The following P4HA1 variants were observed in gnomAD, a reference collection of about 807,000 sequenced individuals.
The protein encoded by P4HA1 is prolyl 4-hydroxylase subunit alpha 1, also known as prolyl 4-hydroxylase subunit alpha-1.
A neutral mutation model predicts 72.8 loss-of-function variants in P4HA1; 24 were observed. The ratio of observed to expected loss-of-function variants is 0.33; its 90% CI spans 0.24 to 0.46. P4HA1 has a LOEUF of 0.46. P4HA1 is among the 20% of genes least tolerant of loss of function. The probability of loss-of-function intolerance (pLI) is 1.00; values close to 1 mark genes in which losing one functional copy is unlikely to be tolerated. For missense variants in P4HA1, 446 were observed against 640.6 expected, an observed-to-expected ratio of 0.70 and a Z score of 3.28; for synonymous variants, 201 against 218.8, an observed-to-expected ratio of 0.92 and a Z score of 0.72.
At chr10:73,021,685 G>A (rs1177575979) in intron 10 of P4HA1, among the ~76,000 whole-genome samples, 3 of 152,214 alleles carry the variant, frequency 2.0e-5, no homozygotes, top group Admixed American at 6.5e-5. Context: ...GCAGGGCGGG[G>A]CATCGCCTCA....
intron 9 of P4HA1, 83 bp downstream of exon 9, chr10:73,044,898 C>A (rs2133086629): frequency 9.0e-7 from 1 of 1,116,314 alleles, no homozygotes; most frequent in South Asian, 1.4e-5. Flanking sequence ...TGAAAATGAC[C>A]CACTTTCCTT....
chr10:73,013,922 G>C (rs900715437), intron 12 of P4HA1, among the ~76,000 whole-genome samples: 1 of 151,976 alleles, frequency 6.6e-6, no homozygotes, highest in Non-Finnish European at 1.5e-5. Flanking sequence ...CAAATATATA[G>C]AGATTTTTAT....
At chr10:73,093,390 C>T (rs1242860196) in intron 1 of P4HA1, among the ~76,000 whole-genome samples, 2 of 152,114 alleles carry the variant, frequency 1.3e-5, no homozygotes, top group African/African-American at 4.8e-5. Context: ...TTTTTCACCA[C>T]ACCGAGTTTA....
At chr10:73,038,717 C>T (rs1255813438) in intron 9 of P4HA1, among the ~76,000 whole-genome samples, 1 of 109,102 alleles carries the variant, frequency 9.2e-6, no homozygotes, top group Non-Finnish European at 1.7e-5. Flanking sequence ...AGCTCCGCCT[C>T]CCGGGTTCAC....
intron 1 of P4HA1, among the ~76,000 whole-genome samples, chr10:73,092,668 G>C (rs776534501): frequency 1.2e-4 from 17 of 144,284 alleles, no homozygotes; most frequent in Non-Finnish European, 2.1e-4. Flanking sequence ...AACATAGTAA[G>C]GCCCTGTCTC....
intron 14 of P4HA1, among the ~76,000 whole-genome samples, chr10:73,009,289 C>A (rs1839860111): frequency 6.6e-6 from 1 of 152,146 alleles, no homozygotes; most frequent in Non-Finnish European, 1.5e-5. Flanking sequence ...AAAATGTGGT[C>A]CTGCACTTGC....
Position 73,091,171 on chromosome 10 carries a change from A to AAAAT in P4HA1, c.-33+5591_-33+5594dup, listed in dbSNP as rs141974264. ...GAATATGTTGCCTGAGTTTACCAAA[A>AAAAT]AAATAAATAAATAAATAAATAAATA... On this transcript the variant is annotated intron_variant, in intron 1 of 14. Transcript: ENST00000394890. Among the ~76,000 whole-genome samples, 890 of 151,134 alleles carry AAAAT rather than the reference A, an allele frequency of 5.9e-3. 4 individuals are homozygous for AAAAT. Among genetic ancestry groups the AAAAT allele is most frequent in the East Asian group, 0.03 (156 of 5,160 alleles).
chr10:73,046,789 A>G lies in P4HA1; in HGVS notation c.1077+136T>C, dbSNP rs1004134333. 3.9e-5 allele frequency: 25 copies of G among 637,032 alleles called. No homozygotes were observed. The Admixed American group carries it at 6.7e-4, about 17-fold the overall frequency. 39.5% of individuals were successfully genotyped at this position (637,032 alleles called of 1,614,324 possible). A position where few individuals can be genotyped will look rare whatever the true frequency, so the allele number is the denominator to read the frequency against. Reference sequence around the variant, plus strand: ...TGGCATAAACACAGCATCATTAGTAACTCCATTATGCTGAGGCAAAATATC... The same window carrying G: ...TGGCATAAACACAGCATCATTAGTAGCTCCATTATGCTGAGGCAAAATATC... On this transcript the variant is annotated intron_variant, in intron 8 of 14. Transcript: ENST00000394890.
intron 5 of P4HA1, among the ~76,000 whole-genome samples, chr10:73,054,117 G>A (rs574337754): frequency 5.9e-5 from 9 of 151,950 alleles, no homozygotes; most frequent in Admixed American, 2.0e-4. Flanking sequence ...AGTTGATCAG[G>A]CTGGTCTCGA....
At chr10:73,087,310 C>T (rs1841943798) in intron 1 of P4HA1, among the ~76,000 whole-genome samples, 1 of 149,718 alleles carries the variant, frequency 6.7e-6, no homozygotes, top group African/African-American at 2.5e-5. Flanking sequence ...ACTCTGTCGC[C>T]CAGGCTGGAA....
At chr10:73,065,687 G>A (rs1841403997) in intron 5 of P4HA1, among the ~76,000 whole-genome samples, 1 of 152,032 alleles carries the variant, frequency 6.6e-6, no homozygotes, top group Admixed American at 6.6e-5. Context: ...GGCCACATCT[G>A]GTAAGTATGA....
intron 9 of P4HA1, among the ~76,000 whole-genome samples, chr10:73,031,931 ATTCT>A (rs1840441907): frequency 6.6e-6 from 1 of 152,140 alleles, no homozygotes; most frequent in Admixed American, 6.5e-5. Context: ...TCATTTTAAC[ATTCT>A]TTCTAAACGC....
At chr10:73,035,344 C>T (rs181559568) in intron 9 of P4HA1, among the ~76,000 whole-genome samples, 9 of 152,092 alleles carry the variant, frequency 5.9e-5, no homozygotes, top group Admixed American at 5.2e-4. Context: ...AGCAAGACCC[C>T]GTCTTTACAA....
At position 73,014,230 on chromosome 10, in the gene P4HA1, C is replaced by T. The variant is rs888385494; in HGVS notation, c.1362G>A (p.Leu454=). Residue 454 remains leucine, a synonymous_variant, in exon 12 of 15, where the codon CTG becomes CTA. Coordinates refer to ENST00000394890, the MANE Select transcript of P4HA1 (RefSeq NM_001017962.3). ...AATTTTAGTGACGACTTACATAAAA[C>T]AGCCATGTAGCAATTCTATTTCCTG... is the stretch of plus-strand genomic sequence containing the variant. The part of the protein sequence containing the change: ...LGTGNRIATW[L]FYMSDVSAGG... The T allele has an allele frequency of 1.2e-6, 2 of 1,608,052 alleles. No individual in the cohort carries two copies. Among genetic ancestry groups the T allele is most frequent in the Non-Finnish European group, 1.7e-6 (2 of 1,174,890 alleles).
intron 9 of P4HA1, among the ~76,000 whole-genome samples, chr10:73,032,012 C>G (rs544976653): frequency 6.8e-4 from 104 of 152,270 alleles, no homozygotes; most frequent in Non-Finnish European, 1.2e-3. Flanking sequence ...ATATCTCTGT[C>G]ACCAAACCCT....
intron 5 of P4HA1, among the ~76,000 whole-genome samples, chr10:73,058,089 A>G (rs11000508): frequency 3.4e-5 from 4 of 118,294 alleles, no homozygotes; most frequent in African/African-American, 4.0e-5. Flanking sequence ...GACTCCGTCC[A>G]GAAAAAAAAA....
intron 1 of P4HA1, among the ~76,000 whole-genome samples, chr10:73,087,156 G>A (rs924715566): frequency 1.1e-4 from 17 of 151,232 alleles, no homozygotes; most frequent in African/African-American, 4.1e-4. Context: ...TTGTATTGCC[G>A]TTTTTTCCTT....
chr10:73,036,062 C>A (rs1840565258), intron 9 of P4HA1, among the ~76,000 whole-genome samples: 1 of 151,732 alleles, frequency 6.6e-6, no homozygotes, highest in Admixed American at 6.6e-5. Context: ...AAGGTGCACA[C>A]CTGTAACTTC....
intron 7 of P4HA1, among the ~76,000 whole-genome samples, chr10:73,048,925 G>C (rs1259223201): frequency 6.6e-6 from 1 of 152,124 alleles, no homozygotes; most frequent in Non-Finnish European, 1.5e-5. Flanking sequence ...ACGAGGTCAG[G>C]AGATCAAGAC....
Sources: gnomAD v4.1 joint callset for allele counts (sites outside exome capture counted in the v4.1 genomes callset) on GRCh38, gnomAD v4.1.1 for gene constraint, MANE v1.5 for transcripts, NCBI Gene and HGNC (gene_info 2026-07-23, HGNC 2026-07-21) for gene names.